Variants in DMD observed in about 807,000 individuals in gnomAD.
DMD encodes dystrophin, also known as mutant dystrophin.
In DMD, 63 loss-of-function variants were observed where a neutral mutation model predicts 330.1. That is an observed-to-expected ratio of 0.19 (90% confidence interval 0.16 to 0.24). The LOEUF (loss-of-function observed/expected upper bound fraction) is 0.24. Among genes scored for constraint, DMD ranks in the 10% least tolerant of loss-of-function variants. The probability of loss-of-function intolerance (pLI) is 1.00; values close to 1 mark genes in which losing one functional copy is unlikely to be tolerated. For missense variants in DMD, 3,344 were observed against 2,684.1 expected (o/e 1.25, Z -5.43); for synonymous variants, 1,223 against 959.8 (o/e 1.27, Z -5.07).
intron 55 of DMD, among the ~76,000 whole-genome samples, chrX:31,588,164 T>A (rs1302677259): frequency 1.8e-5 from 2 of 111,911 alleles, no homozygotes; most frequent in East Asian, 5.6e-4. Context: ...TTTTAAAAAA[T>A]TTCCATATTT....
At chrX:33,024,710 T>G (rs1225971908) in intron 1 of DMD, among the ~76,000 whole-genome samples, 1 of 111,845 alleles carries the variant, frequency 8.9e-6, no homozygotes, top group East Asian at 2.8e-4. Context: ...ATTGCAATAT[T>G]CTTGATTCAC....
At chrX:31,265,868 A>G (rs1400674227) in intron 62 of DMD, among the ~76,000 whole-genome samples, 1 of 107,476 alleles carries the variant, frequency 9.3e-6, no homozygotes, top group Non-Finnish European at 1.9e-5. Context: ...GGAAAAATGT[A>G]GATTTCACTT....
chrX:33,250,083 C>CA, intron 1 of DMD, among the ~76,000 whole-genome samples: 1 of 43,273 alleles, frequency 2.3e-5, no homozygotes, highest in African/African-American at 1.6e-4. Flanking sequence ...GTAAACTATT[C>CA]ATTATATATA....
intron 60 of DMD, among the ~76,000 whole-genome samples, chrX:31,426,989 T>C (rs888225305): frequency 1.8e-5 from 2 of 112,359 alleles, no homozygotes; most frequent in African/African-American, 3.2e-5. Context: ...GTCCCTTGTT[T>C]ACTTGGCCAA....
chrX:33,276,104 C>G (rs1310013624), intron 1 of DMD, among the ~76,000 whole-genome samples: 1 of 111,495 alleles, frequency 9.0e-6, no homozygotes, highest in African/African-American at 3.3e-5. Context: ...TTTTGTCAGG[C>G]TTGGAATTCA....
chrX:31,201,917 G>A (rs1009553808), intron 67 of DMD, among the ~76,000 whole-genome samples: 1 of 112,009 alleles, frequency 8.9e-6, no homozygotes, highest in Non-Finnish European at 1.9e-5. Flanking sequence ...GACTAAAGGG[G>A]AAAAATGATT....
At chrX:33,282,582 TG>T (rs1167305378) in intron 1 of DMD, among the ~76,000 whole-genome samples, 1 of 111,737 alleles carries the variant, frequency 8.9e-6, no homozygotes, top group Non-Finnish European at 1.9e-5. Flanking sequence ...CTTCCGAGGT[TG>T]GGCCACTTGC....
intron 44 of DMD, among the ~76,000 whole-genome samples, chrX:32,167,732 C>A (rs142942674): frequency 8.9e-6 from 1 of 111,757 alleles, no homozygotes; most frequent in East Asian, 2.8e-4. Flanking sequence ...AGGACAGGCA[C>A]GAAGGCCTTT....
At chrX:32,364,795 GACA>G in intron 35 of DMD, 85 bp from the exon 36 acceptor site, 5 of 1,055,187 alleles carry the variant, frequency 4.7e-6, no homozygotes, top group Non-Finnish European at 6.5e-6. Flanking sequence ...ATGTTTAAAA[GACA>G]ACAATAAAGT....
intron 11 of DMD, among the ~76,000 whole-genome samples, chrX:32,628,258 ATTTTTTTTT>A (rs1170760390): frequency 3.3e-4 from 5 of 15,353 alleles, no homozygotes; most frequent in Non-Finnish European, 5.9e-4. Flanking sequence ...AGTTGTTTTA[ATTTTTTTTT>A]TTTTTTTTTT....
At chrX:31,616,421 T>C (rs374619676) in intron 55 of DMD, among the ~76,000 whole-genome samples, 1 of 111,348 alleles carries the variant, frequency 9.0e-6, no homozygotes, top group Non-Finnish European at 1.9e-5. Context: ...TGAAGGTGCA[T>C]TGAGAGGTAA....
intron 44 of DMD, among the ~76,000 whole-genome samples, chrX:32,169,233 C>A (rs2096878808): frequency 8.9e-6 from 1 of 111,765 alleles, no homozygotes; most frequent in African/African-American, 3.2e-5. Flanking sequence ...AGGGATTTGA[C>A]AAAAATGGAG....
At chrX:31,483,986 G>A (rs1198847007) in intron 57 of DMD, among the ~76,000 whole-genome samples, 1 of 110,448 alleles carries the variant, frequency 9.1e-6, no homozygotes, top group African/African-American at 3.3e-5. Flanking sequence ...AAAACAAATG[G>A]CTTTATGTAG....
At chrX:31,964,427 A>G (rs1467083987) in intron 45 of DMD, among the ~76,000 whole-genome samples, 1 of 111,720 alleles carries the variant, frequency 9.0e-6, no homozygotes, top group African/African-American at 3.2e-5. Flanking sequence ...AGGAAATATG[A>G]ATATGGAATG....
intron 42 of DMD, among the ~76,000 whole-genome samples, chrX:32,288,953 A>C (rs2097454931): frequency 9.0e-6 from 1 of 111,410 alleles, no homozygotes; most frequent in Non-Finnish European, 1.9e-5. Flanking sequence ...TAATATAAAA[A>C]CCTGGATCAG....
chrX:32,047,917 A>G (rs1340765455), intron 44 of DMD, among the ~76,000 whole-genome samples: 1 of 108,787 alleles, frequency 9.2e-6, no homozygotes, highest in African/African-American at 3.3e-5. Flanking sequence ...TTGAAATTTA[A>G]TTGTTGGTAT....
chrX:31,333,291 C>A (rs754033811), intron 61 of DMD, among the ~76,000 whole-genome samples: 1 of 110,419 alleles, frequency 9.1e-6, no homozygotes, highest in Non-Finnish European at 1.9e-5. Context: ...TTTTACATAA[C>A]CAAGCTTACT....
chrX:31,892,322 C>T (rs760014932), intron 47 of DMD, among the ~76,000 whole-genome samples: 5 of 111,408 alleles, frequency 4.5e-5, no homozygotes, highest in Non-Finnish European at 9.4e-5. Flanking sequence ...CTGTAAATTA[C>T]GTGTAGCCTT....
At chrX:31,389,971 CAT>C (rs1385325077) in intron 60 of DMD, among the ~76,000 whole-genome samples, 1 of 111,676 alleles carries the variant, frequency 9.0e-6, no homozygotes, top group African/African-American at 3.3e-5. Context: ...GCCAGAGAAA[CAT>C]ATTTCAGCCA....
Sources: gnomAD v4.1 joint callset for allele counts (sites outside exome capture counted in the v4.1 genomes callset) on GRCh38, gnomAD v4.1.1 for gene constraint, MANE v1.5 for transcripts, NCBI Gene and HGNC (gene_info 2026-07-23, HGNC 2026-07-21) for gene names.